PRKN: variants seen among roughly 807,000 people sequenced by gnomAD.
PRKN encodes the protein parkin RBR E3 ubiquitin protein ligase, also known as E3 ubiquitin-protein ligase parkin.
PRKN carries 56 observed loss-of-function variants against 59.5 expected under a neutral mutation model. The observed-to-expected ratio is 0.94, with a 90% confidence interval of 0.76 to 1.18. The LOEUF (loss-of-function observed/expected upper bound fraction) is 1.18, where lower values mean the gene tolerates loss of function less well. PRKN is among the 50% of genes most tolerant of loss of function. The pLI, the probability that PRKN is intolerant of heterozygous loss-of-function variation, is 0.00. For missense variants in PRKN, 657 were observed against 596.4 expected (o/e 1.10, Z -1.06); for synonymous variants, 250 against 222.1 (o/e 1.13, Z -1.12).
chr6:162,322,467 C>A (rs1309829763), intron 2 of PRKN, among the ~76,000 whole-genome samples: 1 of 152,008 alleles, frequency 6.6e-6, no homozygotes, highest in Non-Finnish European at 1.5e-5. Context: ...ATGCAGAGAA[C>A]CTGAAACAGG....
At chr6:161,736,710 G>A (rs919982765) in intron 7 of PRKN, among the ~76,000 whole-genome samples, 2 of 152,236 alleles carry the variant, frequency 1.3e-5, no homozygotes, top group Non-Finnish European at 2.9e-5. Context: ...ACTTCCCAGA[G>A]AATGTCATGT....
intron 1 of PRKN, among the ~76,000 whole-genome samples, chr6:162,570,972 G>A (rs575385696): frequency 1.3e-5 from 2 of 152,286 alleles, no homozygotes; most frequent in East Asian, 3.9e-4. Context: ...ATAAATGCTT[G>A]AGGGGATGGA....
chr6:162,598,886 TTAAA>T (rs1781591673), intron 1 of PRKN, among the ~76,000 whole-genome samples: 1 of 145,442 alleles, frequency 6.9e-6, no homozygotes, highest in African/African-American at 2.5e-5. Context: ...TGCAGAATAA[TTAAA>T]TGATTAAATA....
rs954457762 is a variant in PRKN at position 161,461,356 on chromosome 6, A to G, written c.1084-74479T>C. On this transcript the variant is annotated intron_variant, in intron 9 of 11. Transcript: ENST00000366898. The surrounding 1 kb of genome is among the most constrained non-coding windows in gnomAD (Gnocchi z 5.1). ...TGGAAGATGAGGCCAGAGGGTCCAGAAAACAAAGTAGATGGTCTTAAGGAG... is the reference window on the plus strand; with the variant it reads ...TGGAAGATGAGGCCAGAGGGTCCAGGAAACAAAGTAGATGGTCTTAAGGAG... Among the ~76,000 whole-genome samples the G allele has an allele frequency of 2.6e-5, 4 of 152,152 alleles. No homozygotes were observed. In the East Asian group the frequency reaches 5.8e-4, roughly 22 times the overall value.
intron 1 of PRKN, among the ~76,000 whole-genome samples, chr6:162,697,238 G>A (rs1386508232): frequency 6.6e-6 from 1 of 152,030 alleles, no homozygotes; most frequent in Non-Finnish European, 1.5e-5. Context: ...CAAGTTTTCA[G>A]TAAGAAAAAT....
intron 7 of PRKN, among the ~76,000 whole-genome samples, chr6:161,615,889 C>T (rs984910284): frequency 6.6e-6 from 1 of 152,220 alleles, no homozygotes; most frequent in Non-Finnish European, 1.5e-5. Flanking sequence ...GTACCCCGAC[C>T]TTTTTGTTAT....
At chr6:162,377,559 G>A (rs529336557) in intron 2 of PRKN, among the ~76,000 whole-genome samples, 3 of 152,274 alleles carry the variant, frequency 2.0e-5, no homozygotes, top group Admixed American at 6.5e-5. Context: ...TATTCAGTTC[G>A]ATTCATCACA....
rs1210781091 is a variant in PRKN at position 161,777,832 on chromosome 6, G to A, written c.871+7940C>T. Among the ~76,000 whole-genome samples, 414 of 134,220 alleles carry A rather than the reference G, an allele frequency of 3.1e-3. 5 individuals are homozygous for A. Among genetic ancestry groups the A allele is most frequent in the African/African-American group, 0.013 (389 of 30,414 alleles). 88.1% of individuals were successfully genotyped at this position (134,220 alleles called of 152,430 possible). A position where few individuals can be genotyped will look rare whatever the true frequency, so the allele number is the denominator to read the frequency against. The stretch of plus-strand genomic sequence containing the variant: ...TGTATATATGTGTATATATGTATAT[G>A]TATACGTATATATGTATATATGTGT... On this transcript the variant is annotated intron_variant, in intron 7 of 11. Coordinates refer to ENST00000366898, the MANE Select transcript of PRKN (RefSeq NM_004562.3).
At chr6:162,321,825 C>T (rs1263449540) in intron 2 of PRKN, among the ~76,000 whole-genome samples, 3 of 151,880 alleles carry the variant, frequency 2.0e-5, no homozygotes, top group Admixed American at 6.6e-5. Context: ...TACAGTCCCA[C>T]AGCAAATTAG....
At chr6:162,409,088 A>G (rs918403854) in intron 2 of PRKN, among the ~76,000 whole-genome samples, 1 of 152,016 alleles carries the variant, frequency 6.6e-6, no homozygotes, top group Non-Finnish European at 1.5e-5. Context: ...TAGATGGGGT[A>G]ATGTGCATCT....
intron 4 of PRKN, among the ~76,000 whole-genome samples, chr6:162,186,362 A>G (rs907482000): frequency 6.6e-6 from 1 of 151,720 alleles, no homozygotes; most frequent in Non-Finnish European, 1.5e-5. Flanking sequence ...AGCAGAAAGT[A>G]CATCCTTTTC....
intron 1 of PRKN, among the ~76,000 whole-genome samples, chr6:162,495,020 G>A (rs1300559755): frequency 6.6e-6 from 1 of 152,102 alleles, no homozygotes; most frequent in Non-Finnish European, 1.5e-5. Context: ...ATATTTCACT[G>A]TCACTGAAGG....
chr6:161,712,610 C>A (rs537104728), intron 7 of PRKN, among the ~76,000 whole-genome samples: 49 of 152,114 alleles, frequency 3.2e-4, no homozygotes, highest in African/African-American at 1.1e-3. Context: ...AAATCTGTTC[C>A]TTATTAAATT....
intron 6 of PRKN, among the ~76,000 whole-genome samples, chr6:161,902,560 A>ATTTTTTTTT (rs752868786): frequency 8.0e-6 from 1 of 125,328 alleles, no homozygotes; most frequent in Admixed American, 8.4e-5. Context: ...TTATTTATTT[A>ATTTTTTTTT]TTTATTTTTT....
intron 7 of PRKN, among the ~76,000 whole-genome samples, chr6:161,694,792 GCAAACTAAGGAAGAATTCT>G (rs1196628739): frequency 6.6e-6 from 1 of 150,976 alleles, no homozygotes; most frequent in African/African-American, 2.5e-5. Context: ...AGATTTCAAT[GCAAACTAAGGAAGAATTCT>G]CAGCTGAGTT....
chr6:161,864,191 G>A (rs930379124), intron 6 of PRKN, among the ~76,000 whole-genome samples: 12 of 152,144 alleles, frequency 7.9e-5, no homozygotes, highest in African/African-American at 1.9e-4. Context: ...TTTTACTCAC[G>A]GTAGAATTTT....
intron 1 of PRKN, among the ~76,000 whole-genome samples, chr6:162,682,955 T>A (rs1157278225): frequency 6.6e-6 from 1 of 152,170 alleles, no homozygotes. Context: ...AAATGATTCA[T>A]AGAATTAAAA....
chr6:161,853,335 C>T (rs568019495), intron 6 of PRKN, among the ~76,000 whole-genome samples: 12 of 152,152 alleles, frequency 7.9e-5, no homozygotes, highest in Admixed American at 6.5e-5. Context: ...TGACTGCTTA[C>T]GGATAGATAG....
At chr6:162,684,327 G>GT (rs201753644) in intron 1 of PRKN, among the ~76,000 whole-genome samples, 1,604 of 152,144 alleles carry the variant, frequency 0.011, 15 homozygotes, top group Non-Finnish European at 0.018. Context: ...AGCAGAAAGT[G>GT]TAACTATTAA....
Sources: gnomAD v4.1 joint callset for allele counts (sites outside exome capture counted in the v4.1 genomes callset) on GRCh38, gnomAD v4.1.1 for gene constraint, Gnocchi (gnomAD v3.1) non-coding constraint, MANE v1.5 for transcripts, NCBI Gene and HGNC (gene_info 2026-07-23, HGNC 2026-07-21) for gene names.